The following RHBDL3 variants were observed in gnomAD, a reference collection of about 807,000 sequenced individuals.
RHBDL3 encodes the protein rhomboid like 3.
RHBDL3 carries 28 observed loss-of-function variants against 48.2 expected under a neutral mutation model. The ratio of observed to expected loss-of-function variants is 0.58; its 90% CI spans 0.43 to 0.80. The LOEUF (loss-of-function observed/expected upper bound fraction) is 0.80. Ranked by LOEUF, RHBDL3 falls within the 30% of genes least tolerant of loss-of-function variation. RHBDL3 has a pLI of 0.00. For synonymous variants in RHBDL3, 208 were observed against 232.3 expected (o/e 0.90, Z 0.95); for missense variants, 464 against 542.7 (o/e 0.85, Z 1.44).
At chr17:32,295,435 G>A (rs1372177603) in intron 5 of RHBDL3, among the ~76,000 whole-genome samples, 1 of 152,236 alleles carries the variant, frequency 6.6e-6, no homozygotes, top group Non-Finnish European at 1.5e-5. Context: ...TACCTTGTCT[G>A]GCTTGCCCCA....
intron 7 of RHBDL3, among the ~76,000 whole-genome samples, chr17:32,313,493 A>G (rs781220537): frequency 5.3e-5 from 8 of 152,148 alleles, no homozygotes; most frequent in African/African-American, 9.7e-5. Flanking sequence ...ACATTGTACA[A>G]TCATCGCCAT....
intron 1 of RHBDL3, 164 bp from the exon 2 acceptor site, chr17:32,267,738 T>A: frequency 1.6e-6 from 2 of 1,261,020 alleles, no homozygotes; most frequent in South Asian, 2.8e-5. Flanking sequence ...CCTCCCAGAC[T>A]TCCCCTGCTC....
Position 32,266,045 on chromosome 17 carries a change from GGCGGGCGCGGGCTGCGGA to G in RHBDL3, c.-134_-117del, listed in dbSNP as rs920859024. The G allele has an allele frequency of 1.2e-3, 184 of 152,994 alleles. No homozygotes were observed. The highest frequency in any genetic ancestry group is 3.3e-3 in the African/African-American group (134 of 41,008). The allele number at this position is 152,994 out of a possible 1,614,324, so 9.5% of individuals were successfully genotyped here. ...GCGGCGCGGGGACCGGGGCCATGGGGGCGGGCGCGGGCTGCGGAGCGGGCGCGGAGGCGGCGCGGCGCG... is the reference window on the plus strand; with the variant it reads ...GCGGCGCGGGGACCGGGGCCATGGGGGCGGGCGCGGAGGCGGCGCGGCGCG... On this transcript the variant is annotated 5_prime_UTR_variant, in exon 1 of 9. Transcript: ENST00000269051.
intron 7 of RHBDL3, among the ~76,000 whole-genome samples, chr17:32,306,439 TC>T (rs1183277300): frequency 2.6e-5 from 4 of 151,832 alleles, no homozygotes; most frequent in Admixed American, 6.6e-5. Flanking sequence ...AAACAGTTGT[TC>T]CCCTATCCCA....
rs865933031 is a variant in RHBDL3, at chr17:32,283,514, G to A, written c.136-1145G>A. 4.2e-4 allele frequency among the ~76,000 whole-genome samples: 64 copies of A among 151,732 alleles called. 1 individual carries two copies. The highest frequency in any genetic ancestry group is 1.4e-3 in the East Asian group (7 of 5,138). On this transcript the variant is annotated intron_variant, in intron 2 of 8. Coordinates refer to ENST00000269051, the MANE Select transcript of RHBDL3 (RefSeq NM_138328.3). Reference sequence around the variant, plus strand: ...ACTTTTTTGTATTTTTAGTAGAGACGGGGTTTCACCGTGTTAGCCAGGATG... The same window carrying A: ...ACTTTTTTGTATTTTTAGTAGAGACAGGGTTTCACCGTGTTAGCCAGGATG...
chr17:32,316,808 A>G (rs2040985579), intron 8 of RHBDL3, among the ~76,000 whole-genome samples: 1 of 151,570 alleles, frequency 6.6e-6, no homozygotes, highest in Non-Finnish European at 1.5e-5. Context: ...GTGAGTCACC[A>G]CGCCTGGCCT....
At chr17:32,320,785 T>C (rs2041108795) in intron 8 of RHBDL3, among the ~76,000 whole-genome samples, 173 bp from the exon 9 acceptor site, 1 of 152,264 alleles carries the variant, frequency 6.6e-6, no homozygotes, top group Non-Finnish European at 1.5e-5. Context: ...TGCTAGACCC[T>C]GTAAGCTCTG....
chr17:32,283,377 A>G (rs1233579353), intron 2 of RHBDL3, among the ~76,000 whole-genome samples: 1 of 132,066 alleles, frequency 7.6e-6, no homozygotes, highest in African/African-American at 3.0e-5. Flanking sequence ...GCTGGAGTGC[A>G]GTGGCGTGAT....
chr17:32,267,330 G>T (rs949279382), intron 1 of RHBDL3, among the ~76,000 whole-genome samples: 3 of 151,628 alleles, frequency 2.0e-5, no homozygotes, highest in Admixed American at 2.0e-4. Flanking sequence ...ACCGCATTCG[G>T]CATTCACCAC....
chr17:32,269,600 C>T (rs1302790213), intron 2 of RHBDL3, among the ~76,000 whole-genome samples: 1 of 152,196 alleles, frequency 6.6e-6, no homozygotes, highest in Non-Finnish European at 1.5e-5. Context: ...AGCATCTCTC[C>T]CTCTGGCTCC....
intron 7 of RHBDL3, among the ~76,000 whole-genome samples, chr17:32,313,569 A>C (rs1597689414): frequency 1.4e-5 from 2 of 145,080 alleles, no homozygotes; most frequent in African/African-American, 2.6e-5. Context: ...ATGACTCCCC[A>C]CCCCCTCCTC....
intron 7 of RHBDL3, among the ~76,000 whole-genome samples, chr17:32,313,719 T>G (rs904709344): frequency 1.3e-5 from 2 of 151,792 alleles, no homozygotes; most frequent in Admixed American, 6.6e-5. Flanking sequence ...TCCAGGTTTA[T>G]TCATGCTGTA....
In RHBDL3 at chr17:32,274,873, C is replaced by T. The variant is rs370466644; in HGVS notation, c.135+6948C>T. ...GTGTGTTTGTGTGTGCAAGAGTGTG[C>T]ATGTGTGTGTGTGTGCACGCATGCA... On this transcript the variant is annotated intron_variant, in intron 2 of 8. Transcript: ENST00000269051. 5.9e-3 allele frequency among the ~76,000 whole-genome samples: 890 copies of T among 152,070 alleles called. 11 individuals are homozygous for T. Among genetic ancestry groups the T allele is most frequent in the African/African-American group, 0.021 (851 of 41,482 alleles).
intron 6 of RHBDL3, among the ~76,000 whole-genome samples, chr17:32,300,351 C>T (rs1283749423): frequency 6.6e-6 from 1 of 152,002 alleles, no homozygotes; most frequent in East Asian, 1.9e-4. Context: ...AGTTCCAGGC[C>T]AAGCTGAGCA....
rs544465076 is a variant in RHBDL3 at position 32,274,316 on chromosome 17, A to G, written c.135+6391A>G. Among the ~76,000 whole-genome samples the G allele has an allele frequency of 1.2e-4, 19 of 152,290 alleles. No homozygotes were observed. The South Asian group carries it at 1.9e-3, about 15-fold the overall frequency. On this transcript the variant is annotated intron_variant, in intron 2 of 8. Transcript: ENST00000269051. ...CTGCTGGAGCTTTACTTAGTGGTCTATCGTGACACTGGGGCCATTGTCTTG... is the reference window on the plus strand; with the variant it reads ...CTGCTGGAGCTTTACTTAGTGGTCTGTCGTGACACTGGGGCCATTGTCTTG...
chr17:32,312,124 A>T (rs2040860290), intron 7 of RHBDL3, among the ~76,000 whole-genome samples: 1 of 152,206 alleles, frequency 6.6e-6, no homozygotes, highest in African/African-American at 2.4e-5. Flanking sequence ...AGTGAAAGAG[A>T]CACTGTCTTC....
intron 8 of RHBDL3, among the ~76,000 whole-genome samples, chr17:32,318,197 C>A (rs1383134296): frequency 4.0e-5 from 6 of 151,452 alleles, no homozygotes; most frequent in African/African-American, 1.5e-4. Flanking sequence ...CACACACACA[C>A]ACAAAAATTA....
chr17:32,294,533 AT>A, intron 5 of RHBDL3, 91 bp downstream of exon 5: 1 of 1,233,596 alleles, frequency 8.1e-7, no homozygotes, highest in Non-Finnish European at 1.1e-6. Flanking sequence ...TTTTTAGTTT[AT>A]TTTTATCTAT....
chr17:32,293,611 A>G (rs2040383938), intron 4 of RHBDL3, among the ~76,000 whole-genome samples: 2 of 151,712 alleles, frequency 1.3e-5, no homozygotes, highest in Non-Finnish European at 2.9e-5. Flanking sequence ...ACTGATTAAG[A>G]TGGTAAATTT....
Sources: allele counts gnomAD v4.1 joint callset (sites outside exome capture counted in the v4.1 genomes callset), GRCh38; gene constraint gnomAD v4.1.1; transcripts MANE v1.5; gene names NCBI Gene and HGNC (gene_info 2026-07-23, HGNC 2026-07-21).